The following WDFY4 variants were observed in gnomAD, a reference collection of about 807,000 sequenced individuals.
WDFY4 encodes the protein WDFY family member 4, also known as WD repeat- and FYVE domain-containing protein 4.
WDFY4 carries 169 observed loss-of-function variants against 351.9 expected under a neutral mutation model. The observed-to-expected ratio is 0.48, with a 90% CI of 0.42 to 0.55. The LOEUF is 0.55. WDFY4 is among the 20% of genes least tolerant of loss of function. The probability of loss-of-function intolerance (pLI) is 0.00; values close to 1 mark genes in which losing one functional copy is unlikely to be tolerated. For missense variants in WDFY4, 3,803 were observed against 3,935.6 expected (o/e 0.97, Z 0.90); for synonymous variants, 1,622 against 1,574.6 (o/e 1.03, Z -0.71).
intron 39 of WDFY4, among the ~76,000 whole-genome samples, chr10:48,838,252 C>A (rs1203406373): frequency 6.6e-6 from 1 of 151,624 alleles, no homozygotes; most frequent in Non-Finnish European, 1.5e-5. Flanking sequence ...CTTGGGGGTC[C>A]CCTAAAGGCT....
intron 39 of WDFY4, among the ~76,000 whole-genome samples, chr10:48,838,417 A>G (rs1237411604): frequency 3.9e-5 from 6 of 152,158 alleles, no homozygotes; most frequent in Non-Finnish European, 8.8e-5. Flanking sequence ...CCCTAGCATG[A>G]AGCAGCTCTG....
intron 58 of WDFY4, 60 bp downstream of exon 58, chr10:48,975,101 A>G (rs1842509438): frequency 2.6e-6 from 4 of 1,549,086 alleles, no homozygotes; most frequent in Non-Finnish European, 3.5e-6. Context: ...GGGGTACAAC[A>G]CTCAGGAGAA....
intron 39 of WDFY4, among the ~76,000 whole-genome samples, chr10:48,846,602 G>A (rs1440472020): frequency 6.6e-6 from 1 of 152,202 alleles, no homozygotes; most frequent in African/African-American, 2.4e-5. Context: ...ATGCACAATG[G>A]CTGCATCTAT....
intron 51 of WDFY4, among the ~76,000 whole-genome samples, chr10:48,954,604 C>A (rs1267072453): frequency 2.0e-5 from 3 of 152,334 alleles, no homozygotes; most frequent in African/African-American, 7.2e-5. Flanking sequence ...TTCCTCCTTC[C>A]TTCCTTTCGG....
chr10:48,824,806 AT>A lies in WDFY4; in HGVS notation c.5983-1856del, dbSNP rs1317826822. Among the ~76,000 whole-genome samples, 4 of 151,600 alleles carry A rather than the reference AT, an allele frequency of 2.6e-5. No homozygotes were observed. The East Asian group carries it at 5.8e-4, about 22-fold the overall frequency. ...GACATGTACCACCTTGCCTGGATAA[AT>A]TTTTTTTTAACTTTTTGGAAAGATA... is the stretch of plus-strand genomic sequence containing the variant. On this transcript the variant is annotated intron_variant, in intron 35 of 61. Transcript: ENST00000325239.
intron 41 of WDFY4, among the ~76,000 whole-genome samples, chr10:48,874,365 G>A (rs2133289901): frequency 6.6e-6 from 1 of 152,306 alleles, no homozygotes; most frequent in Admixed American, 6.5e-5. Flanking sequence ...AGTTTTTCAT[G>A]TCTTTATTGA....
rs1437264804 is a variant in WDFY4 at position 48,941,824 on chromosome 10, C to G, written c.7605C>G (p.Asp2535Glu). The part of the protein sequence containing the change: ...TLSLRRYPGS[D>E]RIMLQKWQKR... The stretch of plus-strand genomic sequence containing the variant: ...CCCACAGGAGATACCCCGGCTCTGA[C>G]AGGATCATGCTGCAGAAGTGGCAGG... The change falls in exon 48 of 62, where the codon GAC becomes GAG. Residue 2535 changes from aspartate (D) to glutamate (E), a missense_variant. Asp to Glu is a conservative substitution (Grantham distance 45, BLOSUM62 2). This residue lies in a region of WDFY4 where 3,054 missense variants were observed against 3,148.6 expected (regional missense o/e 0.97). Transcript: ENST00000325239. 6.4e-7 allele frequency: 1 copy of G among 1,552,216 alleles called. No homozygotes were observed. Among genetic ancestry groups the G allele is most frequent in the Non-Finnish European group, 8.7e-7 (1 of 1,147,078 alleles).
chr10:48,700,781 C>G (rs541870707), intron 1 of WDFY4, among the ~76,000 whole-genome samples: 96 of 152,346 alleles, frequency 6.3e-4, no homozygotes, highest in Non-Finnish European at 1.1e-3. Context: ...TAGTGCGGAG[C>G]TAGCACTCAA....
In WDFY4 at chr10:48,786,761, T is replaced by C. The variant is rs748970220; in HGVS notation, c.3699T>C (p.Arg1233=). 17 of 1,552,408 alleles carry C rather than the reference T, an allele frequency of 1.1e-5. No individual in the cohort carries two copies. Among genetic ancestry groups the C allele is most frequent in the Non-Finnish European group, 7.0e-6 (8 of 1,147,132 alleles). The stretch of plus-strand genomic sequence containing the variant: ...AACAAAAGTCTTCATTAATCTGGCG[T>C]CTTGGCCCCACATACCTCTTTGAAG... ...VWKQKSSLIW[R]LGPTYLFEEA... Residue 1233 remains arginine (R), a synonymous_variant, in exon 20 of 62, where the codon CGT becomes CGC. Coordinates refer to ENST00000325239, the MANE Select transcript of WDFY4 (RefSeq NM_001394531.1).
At chr10:48,713,174 G>A (rs2132227283) in intron 2 of WDFY4, among the ~76,000 whole-genome samples, 1 of 152,292 alleles carries the variant, frequency 6.6e-6, no homozygotes, top group African/African-American at 2.4e-5. Context: ...TGGAAGCGGT[G>A]ATCTATGTTG....
chr10:48,784,149 C>G (rs1408875296), intron 19 of WDFY4, among the ~76,000 whole-genome samples: 1 of 152,136 alleles, frequency 6.6e-6, no homozygotes, highest in East Asian at 1.9e-4. Context: ...GCTTTGTGAG[C>G]ATTTGTGTAC....
chr10:48,930,229 A>G (rs961643904), intron 47 of WDFY4, among the ~76,000 whole-genome samples: 2 of 152,178 alleles, frequency 1.3e-5, no homozygotes, highest in African/African-American at 2.4e-5. Flanking sequence ...CTGCTACATA[A>G]TCAACTTGAC....
At chr10:48,976,586 T>G in intron 58 of WDFY4, 1 of 384,790 alleles carries the variant, frequency 2.6e-6, no homozygotes, top group Non-Finnish European at 4.5e-6. Flanking sequence ...TCTAAGCACA[T>G]GACTGCAGTA....
At chr10:48,856,463 C>A (rs974233934) in intron 39 of WDFY4, among the ~76,000 whole-genome samples, 3 of 152,202 alleles carry the variant, frequency 2.0e-5, no homozygotes, top group South Asian at 4.1e-4. Flanking sequence ...CAGTTTTCTT[C>A]TGATTCTTTT....
Position 48,916,907 on chromosome 10 carries a change from G to A in WDFY4, c.7586+15044G>A, listed in dbSNP as rs535220335. 2.8e-4 allele frequency among the ~76,000 whole-genome samples: 40 copies of A among 141,062 alleles called. 1 individual carries two copies. The East Asian group carries it at 7.4e-3, about 26-fold the overall frequency. 92.5% of individuals were successfully genotyped at this position (141,062 alleles called of 152,430 possible). On this transcript the variant is annotated intron_variant, in intron 47 of 61. Coordinates refer to ENST00000325239, the MANE Select transcript of WDFY4 (RefSeq NM_001394531.1). ...TGTGTGTGTGTGTGTGTGTGTGTGT[G>A]TGTACAACCATGTGCTGCATAATGA...
chr10:48,835,685 GGGA>G (rs2068363605), intron 39 of WDFY4, among the ~76,000 whole-genome samples: 1 of 152,162 alleles, frequency 6.6e-6, no homozygotes, highest in Non-Finnish European at 1.5e-5. Flanking sequence ...CACAACTAGT[GGGA>G]TAAATTTTTG....
At chr10:48,705,741 C>T (rs1199855256) in intron 1 of WDFY4, among the ~76,000 whole-genome samples, 1 of 152,236 alleles carries the variant, frequency 6.6e-6, no homozygotes, top group African/African-American at 2.4e-5. Context: ...TGTTTCACTT[C>T]AGCAAACGTG....
At chr10:48,796,217 G>A (rs2066869773) in intron 23 of WDFY4, 81 bp from the exon 24 acceptor site, 2 of 1,457,174 alleles carry the variant, frequency 1.4e-6, no homozygotes, top group East Asian at 2.5e-5. Flanking sequence ...AAGGTTTGCA[G>A]ACTGGACTGG....
At chr10:48,916,606 C>CTGTTTTGTTTTCTAA in intron 47 of WDFY4, among the ~76,000 whole-genome samples, 1 of 152,268 alleles carries the variant, frequency 6.6e-6, no homozygotes, top group Non-Finnish European at 1.5e-5. Flanking sequence ...AAAACAAAAT[C>CTGTTTTGTTTTCTAA]CAGCCAGAAG....
Sources: allele counts gnomAD v4.1 joint callset (sites outside exome capture counted in the v4.1 genomes callset), GRCh38; gene constraint gnomAD v4.1.1; regional missense constraint gnomAD v4.1.1; transcripts MANE v1.5; gene names NCBI Gene and HGNC (gene_info 2026-07-23, HGNC 2026-07-21).